The following MYSM1 variants were observed in gnomAD, a reference collection of about 807,000 sequenced individuals.
The protein encoded by MYSM1 is Myb like, SWIRM and MPN domains 1, also known as deubiquitinase MYSM1.
Under a neutral mutation model 116.0 loss-of-function variants are expected in MYSM1, and 51 were observed. The ratio of observed to expected loss-of-function variants is 0.44; its 90% CI spans 0.35 to 0.56. The LOEUF is 0.56. Ranked by LOEUF, MYSM1 falls within the 20% of genes least tolerant of loss-of-function variation. The pLI is 0.00. For synonymous variants in MYSM1, 313 were observed against 315.2 expected (o/e 0.99, Z 0.07); for missense variants, 900 against 974.9 (o/e 0.92, Z 1.02).
intron 17 of MYSM1, among the ~76,000 whole-genome samples, chr1:58,662,481 G>A (rs1242651309): frequency 7.0e-6 from 1 of 143,110 alleles, no homozygotes; most frequent in African/African-American, 2.6e-5. Flanking sequence ...TTTTCGATGA[G>A]GACACTACGT....
chr1:58,697,251 G>GAGGC (rs76841692), intron 1 of MYSM1, among the ~76,000 whole-genome samples: 58,672 of 151,650 alleles, frequency 0.39, 11,439 homozygotes, highest in Middle Eastern at 0.56. Context: ...GTACAGTGAA[G>GAGGC]AGATCTGGTG....
At position 58,685,304 on chromosome 1, in the gene MYSM1, T is replaced by C. The variant is rs74079221; in HGVS notation, c.400-53A>G. The C allele has an allele frequency of 3.0e-3, 3,741 of 1,245,950 alleles. 92 individuals are homozygous for C. In the African/African-American group the frequency reaches 0.053, roughly 18 times the overall value. 77.2% of individuals were successfully genotyped at this position (1,245,950 alleles called of 1,614,324 possible). The stretch of plus-strand genomic sequence containing the variant: ...TGCTTTTGATGAATTTACTTAAGAA[T>C]AGTCCAAGCCACTACCACATTAAAA... On this transcript the variant is annotated intron_variant, in intron 6 of 19. Coordinates refer to ENST00000472487, the MANE Select transcript of MYSM1 (RefSeq NM_001085487.3).
intron 6 of MYSM1, among the ~76,000 whole-genome samples, chr1:58,686,257 C>A (rs1644826523): frequency 6.6e-6 from 1 of 152,046 alleles, no homozygotes. Flanking sequence ...TGTGTGTTCT[C>A]AAGCACAGAA....
At chr1:58,672,938 G>A (rs141478355) in intron 11 of MYSM1, among the ~76,000 whole-genome samples, 11 of 152,284 alleles carry the variant, frequency 7.2e-5, no homozygotes, top group Non-Finnish European at 1.0e-4. Context: ...CAGGGAATGC[G>A]GAGGAGGAAA....
chr1:58,667,543 T>C (rs540953989), intron 15 of MYSM1, among the ~76,000 whole-genome samples: 91 of 152,266 alleles, frequency 6.0e-4, no homozygotes, highest in South Asian at 6.2e-4. Context: ...GAATGATGCA[T>C]ACAAACTTTC....
chr1:58,690,011 T>C (rs2223698), intron 5 of MYSM1, among the ~76,000 whole-genome samples: 87,869 of 151,944 alleles, frequency 0.58, 25,535 homozygotes, highest in East Asian at 0.62. Flanking sequence ...TCTGAAAGAA[T>C]TGCCTACATA....
intron 11 of MYSM1, 131 bp downstream of exon 11, chr1:58,673,442 C>T (rs767229744): frequency 3.2e-4 from 242 of 759,890 alleles, no homozygotes; most frequent in Non-Finnish European, 2.4e-4. Flanking sequence ...GACTTCCAGA[C>T]AAATTAACAT....
Position 58,659,285 on chromosome 1 carries a change from T to TTA in MYSM1, c.*711_*712insTA, listed in dbSNP as rs1644360072. ...AATGAGGTTTTATCACACCTACTAA[T>TTA]GTAAGTGGACTCACAATTGAAGCTA... On this transcript the variant is annotated 3_prime_UTR_variant, in exon 20 of 20. Coordinates refer to ENST00000472487, the MANE Select transcript of MYSM1 (RefSeq NM_001085487.3). 6.6e-6 allele frequency: 1 copy of TTA among 152,184 alleles called. No individual in the cohort carries two copies. Among genetic ancestry groups the TTA allele is most frequent in the South Asian group, 2.1e-4 (1 of 4,832 alleles). The allele number at this position is 152,184 out of a possible 1,614,324, so 9.4% of individuals were successfully genotyped here.
At position 58,690,392 on chromosome 1, in the gene MYSM1, G is replaced by A. The variant is rs1385755521; in HGVS notation, c.244C>T (p.Pro82Ser). 5 of 1,600,164 alleles carry A rather than the reference G, an allele frequency of 3.1e-6. No individual in the cohort carries two copies. Among genetic ancestry groups the A allele is most frequent in the South Asian group, 1.1e-5 (1 of 88,378 alleles). The change falls in exon 4 of 20, where the codon CCG (proline) becomes TCG (serine). Residue 82 changes from proline to serine, a missense_variant. This residue lies in a region of MYSM1 where 622 missense variants were observed against 623.7 expected (regional missense o/e 1.00). Transcript: ENST00000472487. ...TTTTGATCAAGCCAGACTTTTTCCG[G>A]TTGTGATTTTTTAGATAAATAATAT... ...EEYYLSKKSQ[P>S]EKVWLDQKED... is the part of the protein sequence containing the mutation.
At chr1:58,675,425 A>T in intron 10 of MYSM1, 52 bp downstream of exon 10, 1 of 1,353,122 alleles carries the variant, frequency 7.4e-7, no homozygotes, top group Non-Finnish European at 1.0e-6. Flanking sequence ...AAACCACACT[A>T]AACAGAGTAA....
At chr1:58,686,790 G>GAAGAGT (rs1304075300) in intron 6 of MYSM1, among the ~76,000 whole-genome samples, 1 of 152,026 alleles carries the variant, frequency 6.6e-6, no homozygotes, top group East Asian at 1.9e-4. Context: ...ATGATTAGTA[G>GAAGAGT]AAGAGTAGGG....
intron 17 of MYSM1, 83 bp downstream of exon 17, chr1:58,665,416 A>G (rs516956): frequency 0.21 from 227,601 of 1,086,608 alleles, 26,523 homozygotes; most frequent in African/African-American, 0.41. Context: ...AAATAATTTT[A>G]AACAGTTGCA....
intron 9 of MYSM1, 128 bp from the exon 10 acceptor site, chr1:58,675,708 G>A: frequency 1.6e-6 from 1 of 637,154 alleles, no homozygotes. Context: ...TACATTTGAT[G>A]TGCTACTGAG....
Position 58,682,134 on chromosome 1 carries a change from C to G in MYSM1, c.910G>C (p.Gly304Arg). 1 of 1,613,604 alleles carries G rather than the reference C, an allele frequency of 6.2e-7. No individual in the cohort carries two copies. Among genetic ancestry groups the G allele is most frequent in the Admixed American group, 1.7e-5 (1 of 59,954 alleles). The change falls in exon 8 of 20, where the codon GGT (glycine) becomes CGT (arginine). Residue 304 changes from glycine (G) to arginine (R), a missense_variant. Gly to Arg is a moderately radical substitution (Grantham distance 125). Around this residue, in one of 3 missense-constraint regions of MYSM1, gnomAD observed 622 missense variants for 623.7 expected, o/e 1.00. Transcript: ENST00000472487. ...TTTAATTCAATTGATTTTTTGTCAC[C>G]ATTGCTCTGTTTCTCAGTCCACAGT... ...ITLWTEKQSNGDKKSIELNDQ... is the reference protein window; with the variant it reads ...ITLWTEKQSNRDKKSIELNDQ...
chr1:58,690,416 A>T lies in MYSM1; in HGVS notation c.220T>A (p.Tyr74Asn). ...VIEKMLLEEE[Y>N]YLSKKSQPEK... Reference sequence around the variant, plus strand: ...GGTTGTGATTTTTTAGATAAATAATATCTGTGTAACTATCAAGGAAACTTT... The same window carrying T: ...GGTTGTGATTTTTTAGATAAATAATTTCTGTGTAACTATCAAGGAAACTTT... Residue 74 changes from tyrosine (Y) to asparagine (N), a missense_variant and splice_region_variant, in exon 4 of 20, where the codon TAT (tyrosine) becomes AAT (asparagine). By Grantham distance (143) the Tyr-to-Asn change is moderately radical (BLOSUM62 -2). Transcript: ENST00000472487. 2 of 1,589,280 alleles carry T rather than the reference A, an allele frequency of 1.3e-6. No individual in the cohort carries two copies. The highest frequency in any genetic ancestry group is 4.5e-5 in the East Asian group (2 of 44,524).
chr1:58,682,581 A>C (rs765663676), intron 7 of MYSM1, 36 bp from the exon 8 acceptor site: 15 of 1,501,926 alleles, frequency 1.0e-5, no homozygotes, highest in Non-Finnish European at 1.3e-5. Context: ...CCATAATATT[A>C]AGATTTAAAA....
Position 58,677,069 on chromosome 1 carries a change from C to G in MYSM1, c.1260-13G>C. 3 of 1,578,356 alleles carry G rather than the reference C, an allele frequency of 1.9e-6. No individual in the cohort carries two copies. The highest frequency in any genetic ancestry group is 2.7e-5 in the African/African-American group (2 of 73,034). ...TTTGCATATCTCCCTAATTAAGAGA[C>G]AGAAGTACAATTATTTTGGATAAAT... On this transcript the variant is annotated splice_polypyrimidine_tract_variant and intron_variant, in intron 8 of 19. Coordinates refer to ENST00000472487, the MANE Select transcript of MYSM1 (RefSeq NM_001085487.3).
chr1:58,670,343 A>G (rs76741736), intron 12 of MYSM1, among the ~76,000 whole-genome samples: 1 of 152,246 alleles, frequency 6.6e-6, no homozygotes, highest in Non-Finnish European at 1.5e-5. Context: ...GAGGAACTGC[A>G]GAGAATGGGA....
intron 6 of MYSM1, among the ~76,000 whole-genome samples, chr1:58,685,509 T>G (rs1644815498): frequency 6.6e-6 from 1 of 152,222 alleles, no homozygotes; most frequent in African/African-American, 2.4e-5. Context: ...TAAATGAAGA[T>G]ATTGCCTAAC....
Sources: gnomAD v4.1 joint callset for allele counts (sites outside exome capture counted in the v4.1 genomes callset) on GRCh38, gnomAD v4.1.1 for gene constraint, gnomAD v4.1.1 regional missense constraint, MANE v1.5 for transcripts, NCBI Gene and HGNC (gene_info 2026-07-23, HGNC 2026-07-21) for gene names.